SLC25A19: variants seen among roughly 807,000 people sequenced by gnomAD.
SLC25A19 encodes solute carrier family 25 member 19.
In SLC25A19, 18 loss-of-function variants were observed where a neutral mutation model predicts 27.9. The observed-to-expected ratio is 0.64, with a 90% CI of 0.45 to 0.96. The LOEUF (loss-of-function observed/expected upper bound fraction) is 0.96. SLC25A19 is among the 40% of genes least tolerant of loss of function. The pLI is 0.00. For missense variants in SLC25A19, 371 were observed against 418.3 expected (o/e 0.89, Z 0.99); for synonymous variants, 169 against 167.1 (o/e 1.01, Z -0.09).
At chr17:75,282,484 G>A (rs919899345) in intron 5 of SLC25A19, among the ~76,000 whole-genome samples, 3 of 152,198 alleles carry the variant, frequency 2.0e-5, no homozygotes, top group African/African-American at 7.2e-5. Context: ...AGGAGGCAGA[G>A]GTTGCAGTGA....
chr17:75,280,480 G>C (rs2078011793), intron 5 of SLC25A19, among the ~76,000 whole-genome samples: 1 of 151,986 alleles, frequency 6.6e-6, no homozygotes, highest in African/African-American at 2.4e-5. Context: ...GACCAGCCTG[G>C]CCAACATGTC....
Position 75,286,804 on chromosome 17 carries a change from T to C in SLC25A19, c.-38-2A>G, listed in dbSNP as rs1297658473. On this transcript the variant is annotated splice_acceptor_variant, in intron 2 of 7. Transcript: ENST00000416858. LOFTEE classifies it low-confidence loss of function (5UTR_SPLICE). ...CACACAATGTCCATCAGTATCAAGC[T>C]AAATGCAAGAGATACGGAATAAACA... The C allele has an allele frequency of 3.1e-6, 5 of 1,613,592 alleles. No individual in the cohort carries two copies. Among genetic ancestry groups the C allele is most frequent in the Non-Finnish European group, 3.4e-6 (4 of 1,179,722 alleles).
Position 75,283,602 on chromosome 17 carries a change from G to A in SLC25A19, c.289-9C>T, listed in dbSNP as rs1295453845. ...ATTTCAAATGACAAGAACTGCAAGA[G>A]TAAGTGAAGAAGTCACCGACAGCCC... On this transcript the variant is annotated splice_polypyrimidine_tract_variant and intron_variant, in intron 4 of 7. Coordinates refer to ENST00000416858, the MANE Select transcript of SLC25A19 (RefSeq NM_001126121.2). The A allele has an allele frequency of 1.2e-6, 2 of 1,612,518 alleles. No homozygotes were observed. The highest frequency in any genetic ancestry group is 2.2e-5 in the East Asian group (1 of 44,872).
Position 75,286,284 on chromosome 17 carries a change from C to A in SLC25A19, c.288+20G>T. ...GAGCAACGTGACCCCAGAGGTCTGG[C>A]CAGGTCCCTTGCCACCTACTTGGAC... On this transcript the variant is annotated intron_variant, in intron 4 of 7. Transcript: ENST00000416858. 1.2e-6 allele frequency: 2 copies of A among 1,612,814 alleles called. No homozygotes were observed. The highest frequency in any genetic ancestry group is 1.7e-6 in the Non-Finnish European group (2 of 1,179,976).
rs752430282 is a variant in SLC25A19 at position 75,278,295 on chromosome 17, C to T, written c.500G>A (p.Arg167Lys). The T allele has an allele frequency of 1.8e-5, 29 of 1,614,124 alleles. No individual in the cohort carries two copies. In the South Asian group the frequency reaches 3.1e-4, roughly 17 times the overall value. The change falls in exon 6 of 8, where the codon AGG becomes AAG. Residue 167 changes from arginine to lysine, a missense_variant. By Grantham distance (26) the Arg-to-Lys change is conservative. Transcript: ENST00000416858. ...TLRHAVGTMY[R>K]SEGPQVFYKG... Reference sequence around the variant, plus strand: ...GTAGAAAACCTGGGGGCCTTCGCTCCTATACATGGTCCCCACGGCGTGGCG... The same window carrying T: ...GTAGAAAACCTGGGGGCCTTCGCTCTTATACATGGTCCCCACGGCGTGGCG...
intron 6 of SLC25A19, 26 bp from the exon 7 acceptor site, chr17:75,277,509 G>A: frequency 6.2e-7 from 1 of 1,613,242 alleles, no homozygotes; most frequent in African/African-American, 1.3e-5. Context: ...GGGATTGGGA[G>A]AATGGATGAG....
intron 4 of SLC25A19, 71 bp from the exon 5 acceptor site, chr17:75,283,664 C>G: frequency 6.7e-7 from 1 of 1,498,934 alleles, no homozygotes; most frequent in South Asian, 1.2e-5. Context: ...TCCCCAAATA[C>G]ATCACCCGTG....
intron 5 of SLC25A19, among the ~76,000 whole-genome samples, chr17:75,279,721 A>G (rs576967423): frequency 2.6e-5 from 4 of 151,618 alleles, no homozygotes; most frequent in Admixed American, 6.6e-5. Flanking sequence ...GTTGGCCAGG[A>G]TGATCTCGAT....
At chr17:75,284,525 A>T (rs1200523125) in intron 4 of SLC25A19, among the ~76,000 whole-genome samples, 1 of 152,098 alleles carries the variant, frequency 6.6e-6, no homozygotes, top group African/African-American at 2.4e-5. Context: ...CCTTCAGTGC[A>T]GCTGGCGGCG....
chr17:75,286,777 C>A lies in SLC25A19; in HGVS notation c.-13G>T. ...CATAGCCAACCATCCCTGCCTCTGG[C>A]CCACACAATGTCCATCAGTATCAAG... is the stretch of plus-strand genomic sequence containing the variant. On this transcript the variant is annotated 5_prime_UTR_variant, in exon 3 of 8. Transcript: ENST00000416858. The A allele has an allele frequency of 6.2e-7, 1 of 1,614,046 alleles. No homozygotes were observed. The highest frequency in any genetic ancestry group is 8.5e-7 in the Non-Finnish European group (1 of 1,179,980).
rs554441750 is a variant in SLC25A19 at position 75,284,317 on chromosome 17, C to T, written c.289-724G>A. On this transcript the variant is annotated intron_variant, in intron 4 of 7. Coordinates refer to ENST00000416858, the MANE Select transcript of SLC25A19 (RefSeq NM_001126121.2). ...ACTTGGGAGGCTGAGGCAGAAGAAT[C>T]GCCTGAACCCAGGAGGCGGAGGTTG... Among the ~76,000 whole-genome samples the T allele has an allele frequency of 1.6e-4, 25 of 152,290 alleles. No individual in the cohort carries two copies. The South Asian group carries it at 2.9e-3, about 18-fold the overall frequency.
At chr17:75,275,677 A>G (rs7218042) in intron 7 of SLC25A19, among the ~76,000 whole-genome samples, 123,119 of 151,952 alleles carry the variant, frequency 0.81, 50,100 homozygotes, top group East Asian at 0.94. Flanking sequence ...ACTTAGGCCC[A>G]GGTGTGGCGG....
chr17:75,284,893 T>C (rs1447440078), intron 4 of SLC25A19, among the ~76,000 whole-genome samples: 3 of 151,932 alleles, frequency 2.0e-5, no homozygotes, highest in African/African-American at 7.3e-5. Context: ...TCTGCCCGCC[T>C]TGGGCTCCCA....
chr17:75,279,333 C>T (rs1035733395), intron 5 of SLC25A19, among the ~76,000 whole-genome samples: 3 of 151,918 alleles, frequency 2.0e-5, no homozygotes, highest in Non-Finnish European at 2.9e-5. Context: ...AATTTTTTAT[C>T]GTTCAAGATC....
At chr17:75,278,082 T>C (rs2077937636) in intron 6 of SLC25A19, 70 bp downstream of exon 6, 2 of 1,542,124 alleles carry the variant, frequency 1.3e-6, no homozygotes, top group Non-Finnish European at 1.8e-6. Flanking sequence ...TTTAGCTCCT[T>C]TGTGATTTGG....
Position 75,277,420 on chromosome 17 carries a change from G to A in SLC25A19, c.707C>T (p.Pro236Leu), listed in dbSNP as rs759957236. The change falls in exon 7 of 8, where the codon CCG becomes CTG. Residue 236 changes from proline (P) to leucine (L), a missense_variant. Physicochemically the swap from Pro to Leu is moderately conservative, Grantham distance 98. Transcript: ENST00000416858. ...TAGCCGCTTCTTGAAGAGGTCCAGC[G>A]GATATGTCAGGGTCTTGCTGATGAC... Reference protein sequence around the residue: ...AGVISKTLTYPLDLFKKRLQV... With the variant: ...AGVISKTLTYLLDLFKKRLQV... 1 of 1,613,978 alleles carries A rather than the reference G, an allele frequency of 6.2e-7. No homozygotes were observed. The highest frequency in any genetic ancestry group is 8.5e-7 in the Non-Finnish European group (1 of 1,180,028).
At chr17:75,279,237 G>A (rs749033457) in intron 5 of SLC25A19, among the ~76,000 whole-genome samples, 10 of 151,890 alleles carry the variant, frequency 6.6e-5, no homozygotes, top group Non-Finnish European at 1.2e-4. Flanking sequence ...TCTGGGGATC[G>A]GAATCAGGGA....
chr17:75,278,085 T>G, intron 6 of SLC25A19, 67 bp downstream of exon 6: 1 of 1,555,576 alleles, frequency 6.4e-7, no homozygotes, highest in Non-Finnish European at 8.8e-7. Flanking sequence ...AGCTCCTTTG[T>G]GATTTGGAAG....
chr17:75,286,532 A>G, intron 3 of SLC25A19, 73 bp from the exon 4 acceptor site: 2 of 1,613,412 alleles, frequency 1.2e-6, no homozygotes, highest in Non-Finnish European at 8.5e-7. Flanking sequence ...CAGAAAAGGC[A>G]AGCCCTTCAT....
Sources: gnomAD v4.1 joint callset for allele counts (sites outside exome capture counted in the v4.1 genomes callset) on GRCh38, gnomAD v4.1.1 for gene constraint, MANE v1.5 for transcripts, NCBI Gene and HGNC (gene_info 2026-07-23, HGNC 2026-07-21) for gene names.